The following RPS6KA2 variants were observed in gnomAD, a reference collection of about 807,000 sequenced individuals.
RPS6KA2 encodes ribosomal protein S6 kinase alpha-2.
In RPS6KA2, 42 loss-of-function variants were observed where a neutral mutation model predicts 91.8. The ratio of observed to expected loss-of-function variants is 0.46; its 90% CI spans 0.36 to 0.59. The LOEUF (loss-of-function observed/expected upper bound fraction) is 0.59. Ranked by LOEUF, RPS6KA2 falls within the 20% of genes least tolerant of loss-of-function variation. The pLI, the probability that RPS6KA2 is intolerant of heterozygous loss-of-function variation, is 0.00. For missense variants in RPS6KA2, 798 were observed against 978.5 expected (o/e 0.82, Z 2.46); for synonymous variants, 414 against 393.6 (o/e 1.05, Z -0.61).
intron 1 of RPS6KA2, among the ~76,000 whole-genome samples, chr6:166,565,748 G>A (rs1784480884): frequency 6.6e-6 from 1 of 152,202 alleles, no homozygotes; most frequent in Non-Finnish European, 1.5e-5. Context: ...TGTGGCTGGG[G>A]AGGGGTGCTC....
chr6:166,660,632 A>G (rs1437209830), intron 2 of RPS6KA2, among the ~76,000 whole-genome samples: 2 of 152,226 alleles, frequency 1.3e-5, no homozygotes, highest in Non-Finnish European at 2.9e-5. Flanking sequence ...AATCACAAAA[A>G]GGATCAGTAT....
chr6:166,798,148 T>C (rs915945828), intron 2 of RPS6KA2, among the ~76,000 whole-genome samples: 3 of 152,212 alleles, frequency 2.0e-5, no homozygotes, highest in African/African-American at 7.2e-5. Flanking sequence ...GTTTATCCCA[T>C]GGTAATTAAA....
At chr6:166,838,532 G>A (rs759610013) in intron 2 of RPS6KA2, among the ~76,000 whole-genome samples, 65 of 152,134 alleles carry the variant, frequency 4.3e-4, no homozygotes, top group Non-Finnish European at 1.6e-4. Context: ...TCTAGTCCAC[G>A]TTCAAAGTCC....
rs574694333 is a variant in RPS6KA2, at chr6:166,735,561, T to C, written c.123+122639A>G. Among the ~76,000 whole-genome samples the C allele has an allele frequency of 1.3e-3, 202 of 152,320 alleles. 1 individual carries two copies. The highest frequency in any genetic ancestry group is 4.7e-3 in the African/African-American group (194 of 41,562). On this transcript the variant is annotated intron_variant, in intron 2 of 21. Coordinates refer to the RPS6KA2 transcript ENST00000503859. ...GAATCAGTGGGAGTCCTAAGCTTGT[T>C]TTCCCGCAACTAAACGGTCTCATGT...
intron 10 of RPS6KA2, among the ~76,000 whole-genome samples, chr6:166,483,490 C>G (rs923621814): frequency 6.6e-6 from 1 of 152,178 alleles, no homozygotes; most frequent in Non-Finnish European, 1.5e-5. Flanking sequence ...AAAAATCAGG[C>G]CTGATTTCTT....
At chr6:166,674,218 A>G (rs549530818) in intron 2 of RPS6KA2, among the ~76,000 whole-genome samples, 1 of 152,360 alleles carries the variant, frequency 6.6e-6, no homozygotes, top group South Asian at 2.1e-4. Flanking sequence ...AAGCAACATA[A>G]TGCATTCAGG....
At chr6:166,420,283 T>G (rs1008518724) in intron 17 of RPS6KA2, among the ~76,000 whole-genome samples, 1 of 152,226 alleles carries the variant, frequency 6.6e-6, no homozygotes, top group Non-Finnish European at 1.5e-5. Context: ...ATCAAAGCCC[T>G]TTTTAAGTGC....
intron 1 of RPS6KA2, among the ~76,000 whole-genome samples, chr6:166,568,860 T>A (rs546472394): frequency 1.3e-5 from 2 of 152,246 alleles, no homozygotes; most frequent in African/African-American, 4.8e-5. Context: ...AAATCACAAG[T>A]GCGTTTTGTG....
intron 2 of RPS6KA2, among the ~76,000 whole-genome samples, chr6:166,723,557 T>C (rs1166153567): frequency 6.6e-6 from 1 of 152,258 alleles, no homozygotes; most frequent in East Asian, 1.9e-4. Context: ...CTAATAACAA[T>C]ACGTAAATAC....
intron 16 of RPS6KA2, among the ~76,000 whole-genome samples, chr6:166,428,879 G>A (rs1341408601): frequency 3.3e-5 from 5 of 150,538 alleles, no homozygotes; most frequent in South Asian, 2.1e-4. Context: ...TCAGTGTGGC[G>A]ATTCCTCAGG....
intron 2 of RPS6KA2, among the ~76,000 whole-genome samples, chr6:166,723,153 G>A (rs1489545478): frequency 6.6e-6 from 1 of 152,226 alleles, no homozygotes. Flanking sequence ...TGGGAAGGCT[G>A]GGCTGGGGCT....
At chr6:166,531,056 T>C (rs1368195367) in intron 3 of RPS6KA2, among the ~76,000 whole-genome samples, 176 bp downstream of exon 3, 2 of 152,254 alleles carry the variant, frequency 1.3e-5, no homozygotes, top group Non-Finnish European at 2.9e-5. Context: ...TGCAGGGATA[T>C]TTTAAATATT....
chr6:166,754,214 T>G (rs2128600144), intron 2 of RPS6KA2, among the ~76,000 whole-genome samples: 1 of 152,344 alleles, frequency 6.6e-6, no homozygotes, highest in South Asian at 2.1e-4. Context: ...TAAAAACAAC[T>G]GACAGTGTTT....
chr6:166,634,841 G>T (rs148507947), intron 2 of RPS6KA2, among the ~76,000 whole-genome samples: 2,308 of 151,976 alleles, frequency 0.015, 58 homozygotes, highest in African/African-American at 0.053. Context: ...ACCTCAAGTG[G>T]TCCGCCCACC....
chr6:166,729,978 G>T (rs972477279), intron 2 of RPS6KA2, among the ~76,000 whole-genome samples: 2 of 152,058 alleles, frequency 1.3e-5, no homozygotes, highest in African/African-American at 4.8e-5. Flanking sequence ...ACCTTTTTTC[G>T]TAACTGGTCT....
chr6:166,618,955 C>T (rs752842999), intron 1 of RPS6KA2, among the ~76,000 whole-genome samples: 8 of 152,176 alleles, frequency 5.3e-5, no homozygotes, highest in East Asian at 1.9e-4. Flanking sequence ...CTCCGATTGA[C>T]GCCATCAGAT....
chr6:166,808,318 G>A (rs1465584531), intron 2 of RPS6KA2, among the ~76,000 whole-genome samples: 1 of 152,146 alleles, frequency 6.6e-6, no homozygotes, highest in Admixed American at 6.5e-5. Flanking sequence ...CCTGCAGCGT[G>A]GTCTGAAGTC....
At chr6:166,739,275 A>G (rs531581208) in intron 2 of RPS6KA2, among the ~76,000 whole-genome samples, 53 of 152,372 alleles carry the variant, frequency 3.5e-4, no homozygotes, top group Admixed American at 1.1e-3. Flanking sequence ...ATAGTTTTAA[A>G]TCTGCACAGT....
chr6:166,768,571 C>A (rs1195131754), intron 2 of RPS6KA2, among the ~76,000 whole-genome samples: 1 of 152,020 alleles, frequency 6.6e-6, no homozygotes, highest in Non-Finnish European at 1.5e-5. Context: ...TGAACATCAA[C>A]TTTTGTAGAG....
Sources: allele counts gnomAD v4.1 joint callset (sites outside exome capture counted in the v4.1 genomes callset), GRCh38; gene constraint gnomAD v4.1.1; transcripts MANE v1.5; gene names NCBI Gene and HGNC (gene_info 2026-07-23, HGNC 2026-07-21).